RAD50: variants seen among roughly 807,000 people sequenced by gnomAD.
The protein encoded by RAD50 is DNA repair protein RAD50.
In RAD50, 132 loss-of-function variants were observed where a neutral mutation model predicts 168.8. That is an observed-to-expected ratio of 0.78 (90% CI 0.68 to 0.90). The LOEUF is 0.90. Among genes scored for constraint, RAD50 ranks in the 40% least tolerant of loss-of-function variants. RAD50 has a pLI of 0.00. For missense variants in RAD50, 1,347 were observed against 1,534.4 expected (o/e 0.88, Z 2.04); for synonymous variants, 525 against 497.4 (o/e 1.06, Z -0.74).
rs1580987798 is a variant in RAD50 at position 132,580,039 on chromosome 5, CTA to C, written c.731_732del (p.Tyr244Ter). The C allele has an allele frequency of 6.2e-7, 1 of 1,612,494 alleles. No homozygotes were observed. Among genetic ancestry groups the C allele is most frequent in the Non-Finnish European group, 8.5e-7 (1 of 1,178,674 alleles). Reference sequence around the variant, plus strand: ...CATCTTCAAAGGAAATTGTCAAATCCTATGAGAATGAACTTGATCCATTGAAG... The same window carrying C: ...CATCTTCAAAGGAAATTGTCAAATCCTGAGAATGAACTTGATCCATTGAAG... ...LTSSKEIVKSYENELDPLKNR... is the reference protein window; with the variant it reads ...LTSSKEIVKSXENELDPLKNR... On this transcript the variant is annotated frameshift_variant, in exon 5 of 25. Coordinates refer to ENST00000378823, the MANE Select transcript of RAD50 (RefSeq NM_005732.4). LOFTEE classifies it high-confidence loss of function.
intron 10 of RAD50, 24 bp from the exon 11 acceptor site, chr5:132,591,853 A>G (rs750510476): frequency 6.5e-7 from 1 of 1,545,686 alleles, no homozygotes; most frequent in Non-Finnish European, 8.9e-7. Flanking sequence ...CTTTATTTTT[A>G]AAAGATTTTT....
At position 132,595,944 on chromosome 5, in the gene RAD50, TAAG is replaced by T. The variant is rs1168021354; in HGVS notation, c.2207+139_2207+141del. 4 of 787,576 alleles carry T rather than the reference TAAG, an allele frequency of 5.1e-6. No homozygotes were observed. The African/African-American group carries it at 5.2e-5, about 10-fold the overall frequency. The allele number at this position is 787,576 out of a possible 1,614,324, so 48.8% of individuals were successfully genotyped here. A position where few individuals can be genotyped will look rare whatever the true frequency, so the allele number is the denominator to read the frequency against. ...GCCCTGTCTTATATCACTTCTATGA[TAAG>T]AAGATTCAATTATTTTGTTTAAAGA... On this transcript the variant is annotated intron_variant, in intron 13 of 24. Transcript: ENST00000378823.
chr5:132,635,614 C>T (rs1019689725), intron 21 of RAD50, among the ~76,000 whole-genome samples: 7 of 152,230 alleles, frequency 4.6e-5, no homozygotes, highest in Admixed American at 3.3e-4. Flanking sequence ...GCAGACTGCA[C>T]GTGTGCGCCT....
chr5:132,575,388 C>T (rs1232362824), intron 2 of RAD50, among the ~76,000 whole-genome samples: 1 of 152,200 alleles, frequency 6.6e-6, no homozygotes, highest in Non-Finnish European at 1.5e-5. Context: ...TTACCTTCAA[C>T]TGGGTACCTC....
rs1345256352 is a variant in RAD50 at position 132,575,747 on chromosome 5, CAT to C, written c.214-28_214-27del. Reference sequence around the variant, plus strand: ...CCAACACTGGTGCTTATTAAAGTAACATAAGTTTTTTCTGTGTTTTCCTTCAA... The same window carrying C: ...CCAACACTGGTGCTTATTAAAGTAACAAGTTTTTTCTGTGTTTTCCTTCAA... On this transcript the variant is annotated intron_variant, in intron 2 of 24. Coordinates refer to ENST00000378823, the MANE Select transcript of RAD50 (RefSeq NM_005732.4). 3.9e-6 allele frequency: 6 copies of C among 1,555,966 alleles called. No individual in the cohort carries two copies. The African/African-American group carries it at 6.8e-5, about 18-fold the overall frequency.
Position 132,557,165 on chromosome 5 carries a change from G to T in RAD50, c.-160G>T. 2 of 980,030 alleles carry T rather than the reference G, an allele frequency of 2.0e-6. No homozygotes were observed. The highest frequency in any genetic ancestry group is 1.6e-5 in the African/African-American group (1 of 62,556). 60.7% of individuals were successfully genotyped at this position (980,030 alleles called of 1,614,324 possible). A position where few individuals can be genotyped will look rare whatever the true frequency, so the allele number is the denominator to read the frequency against. On this transcript the variant is annotated 5_prime_UTR_variant, in exon 1 of 25. Transcript: ENST00000378823. ...CCCCCGCCCCCTCTCTCCCGCTGTT[G>T]GCTGGCAGGATCTTTTGGCAGTCCT...
At chr5:132,603,273 T>A in intron 13 of RAD50, 27 bp from the exon 14 acceptor site, 1 of 1,572,642 alleles carries the variant, frequency 6.4e-7, no homozygotes, top group Non-Finnish European at 8.7e-7. Context: ...ATCAGATACT[T>A]TATTTTTAAT....
At chr5:132,611,753 T>C (rs1037083669) in intron 19 of RAD50, among the ~76,000 whole-genome samples, 4 of 149,766 alleles carry the variant, frequency 2.7e-5, no homozygotes, top group African/African-American at 9.8e-5. Context: ...AAGATTCACA[T>C]TGTGTCAATG....
rs955376774 is a variant in RAD50, at chr5:132,645,819, A to G, written c.*3455A>G. 2 of 152,220 alleles carry G rather than the reference A, an allele frequency of 1.3e-5. No homozygotes were observed. Among genetic ancestry groups the G allele is most frequent in the Non-Finnish European group, 2.9e-5 (2 of 68,034 alleles). The allele number at this position is 152,220 out of a possible 1,614,324, so 9.4% of individuals were successfully genotyped here. A position where few individuals can be genotyped will look rare whatever the true frequency, so the allele number is the denominator to read the frequency against. On this transcript the variant is annotated 3_prime_UTR_variant, in exon 25 of 25. Transcript: ENST00000378823. ...TTGCCAGGGTTACTGAGTGAAGGCTATTCTAGCACATGTTAGTTACTGGCT... is the reference window on the plus strand; with the variant it reads ...TTGCCAGGGTTACTGAGTGAAGGCTGTTCTAGCACATGTTAGTTACTGGCT...
chr5:132,612,530 A>G (rs1333590796), intron 19 of RAD50, among the ~76,000 whole-genome samples: 1 of 152,176 alleles, frequency 6.6e-6, no homozygotes, highest in Admixed American at 6.5e-5. Flanking sequence ...AAAATGACTT[A>G]GGTTATTAAA....
intron 21 of RAD50, among the ~76,000 whole-genome samples, chr5:132,625,382 G>A (rs1025475984): frequency 3.9e-4 from 60 of 152,230 alleles, no homozygotes; most frequent in Middle Eastern, 3.4e-3. Context: ...CACCGCGCCC[G>A]GCCGAATTCT....
chr5:132,628,735 T>C (rs1158715292), intron 21 of RAD50, among the ~76,000 whole-genome samples: 1 of 151,760 alleles, frequency 6.6e-6, no homozygotes, highest in Non-Finnish European at 1.5e-5. Flanking sequence ...TAATCCCAGC[T>C]ACTCAGGAGG....
At position 132,597,241 on chromosome 5, in the gene RAD50, G is replaced by A. The variant is rs367993790; in HGVS notation, c.2207+1431G>A. Among the ~76,000 whole-genome samples, 201 of 152,288 alleles carry A rather than the reference G, an allele frequency of 1.3e-3. 4 individuals are homozygous for A. In the South Asian group the frequency reaches 0.041, roughly 31 times the overall value. On this transcript the variant is annotated intron_variant, in intron 13 of 24. Coordinates refer to ENST00000378823, the MANE Select transcript of RAD50 (RefSeq NM_005732.4). ...AGGAAAAGGAGAAAGAAAGGCCTAA[G>A]AAGATGTGGTTTGTGGCAGCCAACT...
chr5:132,589,398 C>T (rs534639727), intron 8 of RAD50, among the ~76,000 whole-genome samples: 60 of 152,144 alleles, frequency 3.9e-4, no homozygotes, highest in South Asian at 1.2e-3. Context: ...TAGGCTATAC[C>T]ATATAGTCTA....
At position 132,644,110 on chromosome 5, in the gene RAD50, A is replaced by G. The variant is rs1216725185; in HGVS notation, c.*1746A>G. On this transcript the variant is annotated 3_prime_UTR_variant, in exon 25 of 25. Coordinates refer to ENST00000378823, the MANE Select transcript of RAD50 (RefSeq NM_005732.4). ...TAATGAAAGTGCTAGTTGTTGCAGC[A>G]AAGAATAACAAAGGCAATACACGAT... 5.2e-6 allele frequency: 1 copy of G among 191,492 alleles called. No individual in the cohort carries two copies. Among genetic ancestry groups the G allele is most frequent in the Non-Finnish European group, 1.1e-5 (1 of 91,498 alleles). The allele number at this position is 191,492 out of a possible 1,614,324, so 11.9% of individuals were successfully genotyped here. A position where few individuals can be genotyped will look rare whatever the true frequency, so the allele number is the denominator to read the frequency against.
At chr5:132,612,412 T>C (rs2149851375) in intron 19 of RAD50, among the ~76,000 whole-genome samples, 1 of 152,328 alleles carries the variant, frequency 6.6e-6, no homozygotes, top group Non-Finnish European at 1.5e-5. Flanking sequence ...TGCTCTGGAA[T>C]TGGATAGTGG....
At chr5:132,636,235 T>C (rs1751579471) in intron 21 of RAD50, among the ~76,000 whole-genome samples, 1 of 152,214 alleles carries the variant, frequency 6.6e-6, no homozygotes, top group African/African-American at 2.4e-5. Context: ...TAAGGGCTTT[T>C]TGATGAAAGG....
At chr5:132,557,495 T>A (rs1473021852) in intron 1 of RAD50, 42 bp downstream of exon 1, 2 of 1,611,872 alleles carry the variant, frequency 1.2e-6, no homozygotes, top group Non-Finnish European at 1.7e-6. Flanking sequence ...GGTCGCTACA[T>A]CTTTCGGAGA....
Position 132,591,312 on chromosome 5 carries a change from TAGAC to T in RAD50, c.1544_1547del (p.Asp515GlyfsTer13), listed in dbSNP as rs786203151. The T allele has an allele frequency of 6.2e-7, 1 of 1,613,594 alleles. No homozygotes were observed. Among genetic ancestry groups the T allele is most frequent in the Non-Finnish European group, 8.5e-7 (1 of 1,179,570 alleles). ...AGTCTCCAAAATGAAAAAGCAGACT[TAGAC>T]AGGACCCTGCGTAAACTTGACCAGG... On this transcript the variant is annotated frameshift_variant, in exon 10 of 25. Coordinates refer to ENST00000378823, the MANE Select transcript of RAD50 (RefSeq NM_005732.4). LOFTEE classifies it high-confidence loss of function.
Sources: gnomAD v4.1 joint callset for allele counts (sites outside exome capture counted in the v4.1 genomes callset) on GRCh38, gnomAD v4.1.1 for gene constraint, MANE v1.5 for transcripts, NCBI Gene and HGNC (gene_info 2026-07-23, HGNC 2026-07-21) for gene names.